The following DENND1A variants were observed in gnomAD, a reference collection of about 807,000 sequenced individuals.
The protein encoded by DENND1A is DENN domain-containing protein 1A.
Under a neutral mutation model 113.7 loss-of-function variants are expected in DENND1A, and 51 were observed. The observed-to-expected ratio is 0.45, with a 90% CI of 0.36 to 0.57. DENND1A has a LOEUF of 0.57. DENND1A is among the 20% of genes least tolerant of loss of function. The pLI is 0.00. For synonymous variants in DENND1A, 565 were observed against 570.8 expected (o/e 0.99, Z 0.14); for missense variants, 1,258 against 1,395.9 (o/e 0.90, Z 1.57).
At chr9:123,560,576 G>T (rs927771239) in intron 12 of DENND1A, among the ~76,000 whole-genome samples, 1 of 151,874 alleles carries the variant, frequency 6.6e-6, no homozygotes, top group Non-Finnish European at 1.5e-5. Flanking sequence ...TGTAGTCTCA[G>T]CTACTTAGAA....
At chr9:123,770,583 A>G (rs1336200812) in intron 3 of DENND1A, among the ~76,000 whole-genome samples, 1 of 152,222 alleles carries the variant, frequency 6.6e-6, no homozygotes, top group Non-Finnish European at 1.5e-5. Flanking sequence ...GTTGGTGCTT[A>G]TCATAAGTTC....
chr9:123,729,675 C>T (rs1372332224), intron 5 of DENND1A, among the ~76,000 whole-genome samples: 2 of 152,156 alleles, frequency 1.3e-5, no homozygotes, highest in African/African-American at 2.4e-5. Flanking sequence ...TGAAAATAGC[C>T]ATACTGCCCA....
chr9:123,744,567 T>A (rs1056295413), intron 5 of DENND1A, among the ~76,000 whole-genome samples: 1 of 152,226 alleles, frequency 6.6e-6, no homozygotes, highest in African/African-American at 2.4e-5. Flanking sequence ...TTTTACAACC[T>A]GATCAACAGT....
At chr9:123,882,584 A>T (rs1848475395) in intron 1 of DENND1A, among the ~76,000 whole-genome samples, 1 of 152,160 alleles carries the variant, frequency 6.6e-6, no homozygotes, top group African/African-American at 2.4e-5. Flanking sequence ...GATCACTATC[A>T]TATCACCTCG....
chr9:123,514,104 GTGTGTC>G (rs1159007604), intron 13 of DENND1A, among the ~76,000 whole-genome samples: 8 of 52,312 alleles, frequency 1.5e-4, no homozygotes, highest in African/African-American at 1.3e-4. Context: ...GTGTATGTGT[GTGTGTC>G]TGTGTGTGTG....
intron 1 of DENND1A, among the ~76,000 whole-genome samples, chr9:123,911,224 C>A (rs1203225909): frequency 6.6e-6 from 1 of 152,048 alleles, no homozygotes; most frequent in African/African-American, 2.4e-5. Flanking sequence ...CCACAATGAG[C>A]TACGAAAACA....
At position 123,382,645 on chromosome 9, in the gene DENND1A, G is replaced by A. The variant is rs1226304706; in HGVS notation, c.2020-20C>T. 6.2e-7 allele frequency: 1 copy of A among 1,613,236 alleles called. No homozygotes were observed. Among genetic ancestry groups the A allele is most frequent in the African/African-American group, 1.3e-5 (1 of 74,912 alleles). Reference sequence around the variant, plus strand: ...CAGCCTCTGTTGGGAGGGAAGGAGGGCGGCAGTGACCACGGGCTGAGTTGG... The same window carrying A: ...CAGCCTCTGTTGGGAGGGAAGGAGGACGGCAGTGACCACGGGCTGAGTTGG... On this transcript the variant is annotated intron_variant, in intron 23 of 23. Coordinates refer to ENST00000394215, the MANE Select transcript of DENND1A (RefSeq NM_001352964.2).
chr9:123,667,866 T>C (rs891237237), intron 7 of DENND1A, among the ~76,000 whole-genome samples: 10 of 152,132 alleles, frequency 6.6e-5, no homozygotes, highest in Non-Finnish European at 1.0e-4. Context: ...TTCCAGTTGC[T>C]GGAGCACTGG....
intron 13 of DENND1A, among the ~76,000 whole-genome samples, chr9:123,482,764 C>T (rs2050453959): frequency 6.6e-6 from 1 of 152,222 alleles, no homozygotes; most frequent in African/African-American, 2.4e-5. Context: ...CTGCAGAAAG[C>T]ATTCCTGGGA....
At chr9:123,875,232 GA>G (rs1847273927) in intron 2 of DENND1A, among the ~76,000 whole-genome samples, 1 of 152,074 alleles carries the variant, frequency 6.6e-6, no homozygotes, top group Non-Finnish European at 1.5e-5. Flanking sequence ...GAAAAACAAA[GA>G]GATGATTATC....
In DENND1A at chr9:123,763,969, G is replaced by C. The variant is rs576766191; in HGVS notation, c.182+5545C>G. Among the ~76,000 whole-genome samples, 11 of 152,204 alleles carry C rather than the reference G, an allele frequency of 7.2e-5. No homozygotes were observed. In the South Asian group the frequency reaches 2.3e-3, roughly 32 times the overall value. ...AACTGAGTGGTGGTTATTATTTTTA[G>C]GATGAATACCAGAACTTGTTTTTAA... On this transcript the variant is annotated intron_variant, in intron 4 of 23. Transcript: ENST00000394215.
At chr9:123,594,468 C>A (rs1259129139) in intron 11 of DENND1A, among the ~76,000 whole-genome samples, 1 of 151,964 alleles carries the variant, frequency 6.6e-6, no homozygotes, top group Non-Finnish European at 1.5e-5. Flanking sequence ...ACAGCAATAC[C>A]TTTATTCTAC....
At chr9:123,892,248 T>A (rs1458835718) in intron 1 of DENND1A, among the ~76,000 whole-genome samples, 1 of 152,204 alleles carries the variant, frequency 6.6e-6, no homozygotes, top group African/African-American at 2.4e-5. Context: ...CCAGCCGAAG[T>A]GGAAAACTCA....
chr9:123,689,772 C>T (rs905965644), intron 5 of DENND1A, among the ~76,000 whole-genome samples: 1 of 151,986 alleles, frequency 6.6e-6, no homozygotes, highest in African/African-American at 2.4e-5. Flanking sequence ...GAATTCAAGA[C>T]CAGCCTGGGC....
chr9:123,720,765 C>T (rs891186504), intron 5 of DENND1A, among the ~76,000 whole-genome samples: 3 of 152,218 alleles, frequency 2.0e-5, no homozygotes, highest in African/African-American at 7.2e-5. Context: ...CTTCCTGCTG[C>T]CATCCAGCAT....
intron 4 of DENND1A, among the ~76,000 whole-genome samples, chr9:123,758,768 A>T (rs1398855321): frequency 2.0e-5 from 3 of 152,208 alleles, no homozygotes; most frequent in African/African-American, 4.8e-5. Flanking sequence ...TAAAAATTTT[A>T]AAAACAATAC....
At chr9:123,685,348 A>G (rs931622995) in intron 5 of DENND1A, among the ~76,000 whole-genome samples, 3 of 152,218 alleles carry the variant, frequency 2.0e-5, no homozygotes, top group African/African-American at 2.4e-5. Context: ...TGATTACGAT[A>G]TTTAGTTAAG....
Position 123,738,974 on chromosome 9 carries a change from T to C in DENND1A, c.302+18729A>G, listed in dbSNP as rs2068781478. Among the ~76,000 whole-genome samples, 3 of 152,210 alleles carry C rather than the reference T, an allele frequency of 2.0e-5. No homozygotes were observed. In the South Asian group the frequency reaches 6.2e-4, roughly 31 times the overall value. On this transcript the variant is annotated intron_variant, in intron 5 of 23. Transcript: ENST00000394215. Reference sequence around the variant, plus strand: ...GCAATAACTTGTTCACAAGCATGCATATGTACATATACACAAAAAAGGAGC... The same window carrying C: ...GCAATAACTTGTTCACAAGCATGCACATGTACATATACACAAAAAAGGAGC...
Position 123,515,795 on chromosome 9 carries a change from G to C in DENND1A, c.993+41775C>G, listed in dbSNP as rs143020622. On this transcript the variant is annotated intron_variant, in intron 13 of 23. Coordinates refer to ENST00000394215, the MANE Select transcript of DENND1A (RefSeq NM_001352964.2). ...CTCACACCTATAGTAACAGCACTTT[G>C]GGAGGCTGAGGTGGGCGGATCCCTT... is the stretch of plus-strand genomic sequence containing the variant. 5.5e-3 allele frequency among the ~76,000 whole-genome samples: 836 copies of C among 152,268 alleles called. 7 individuals carry two copies. The highest frequency in any genetic ancestry group is 0.019 in the African/African-American group (769 of 41,550).
Sources: gnomAD v4.1 joint callset for allele counts (sites outside exome capture counted in the v4.1 genomes callset) on GRCh38, gnomAD v4.1.1 for gene constraint, MANE v1.5 for transcripts, NCBI Gene and HGNC (gene_info 2026-07-23, HGNC 2026-07-21) for gene names.